INSR: variants seen among roughly 807,000 people sequenced by gnomAD.
The protein encoded by INSR is insulin receptor, also known as IR.
INSR carries 67 observed loss-of-function variants against 142.6 expected under a neutral mutation model. The ratio of observed to expected loss-of-function variants is 0.47; its 90% CI spans 0.39 to 0.58. The LOEUF (loss-of-function observed/expected upper bound fraction) is 0.58, where lower values mean the gene tolerates loss of function less well. Among genes scored for constraint, INSR ranks in the 20% least tolerant of loss-of-function variants. The pLI, the probability that INSR is intolerant of heterozygous loss-of-function variation, is 0.00. For synonymous variants in INSR, 756 were observed against 743.1 expected (o/e 1.02, Z -0.28); for missense variants, 1,248 against 1,833.2 (o/e 0.68, Z 5.83).
In INSR at chr19:7,125,509, T is replaced by A; in HGVS notation, c.3032A>T (p.Tyr1011Phe). 6.2e-7 allele frequency: 1 copy of A among 1,613,862 alleles called. No homozygotes were observed. The highest frequency in any genetic ancestry group is 8.5e-7 in the Non-Finnish European group (1 of 1,180,022). Residue 1011 changes from tyrosine to phenylalanine, a missense_variant, in exon 17 of 22, where the codon TAC becomes TTC. Physicochemically the swap from Tyr to Phe is conservative, Grantham distance 22. Around this residue, in one of 3 missense-constraint regions of INSR, gnomAD observed 1,069 missense variants for 1,654.0 expected, o/e 0.65. Coordinates refer to ENST00000302850, the MANE Select transcript of INSR (RefSeq NM_000208.4). The surrounding 1 kb of genome is among the most constrained non-coding windows in gnomAD (Gnocchi z 4.9). ...AGACACCTCCCACTCGTCCGGCACG[T>A]ACACAGAGCATGGAAACACTACTTC... is the stretch of plus-strand genomic sequence containing the variant. ...SASDVFPCSV[Y>F]VPDEWEVSRE...
At chr19:7,228,150 G>C (rs543942218) in intron 2 of INSR, among the ~76,000 whole-genome samples, 13 of 152,168 alleles carry the variant, frequency 8.5e-5, no homozygotes, top group Admixed American at 7.9e-4. Flanking sequence ...GATGACACAG[G>C]GTCCGGCAAG....
At position 7,119,678 on chromosome 19, in the gene INSR, A is replaced by G; in HGVS notation, c.3660-95T>C. On this transcript the variant is annotated intron_variant, in intron 20 of 21. Coordinates refer to ENST00000302850, the MANE Select transcript of INSR (RefSeq NM_000208.4). The surrounding 1 kb of genome is among the most constrained non-coding windows in gnomAD (Gnocchi z 5.2). ...CACACACACGCAAACGCACACACAC[A>G]CGCAAACACACATGCCAACACATAC... is the stretch of plus-strand genomic sequence containing the variant. 7.4e-7 allele frequency: 1 copy of G among 1,358,222 alleles called. No homozygotes were observed. Among genetic ancestry groups the G allele is most frequent in the Non-Finnish European group, 1.0e-6 (1 of 963,572 alleles). 84.1% of individuals were successfully genotyped at this position (1,358,222 alleles called of 1,614,324 possible).
rs199817986 is a variant in INSR at position 7,192,170 on chromosome 19, GAC to G, written c.653-7535_653-7534del. ...AGAGAGAAAGAGAAAGAAAAAGAAA[GAC>G]AGAGAAAGAAAAGAAAAAAGAAAGA... On this transcript the variant is annotated intron_variant, in intron 2 of 21. Coordinates refer to ENST00000302850, the MANE Select transcript of INSR (RefSeq NM_000208.4). The surrounding 1 kb of genome is among the most constrained non-coding windows in gnomAD (Gnocchi z 4.2). Among the ~76,000 whole-genome samples the G allele has an allele frequency of 9.7e-6, 1 of 102,576 alleles. No individual in the cohort carries two copies. Among genetic ancestry groups the G allele is most frequent in the Non-Finnish European group, 2.0e-5 (1 of 50,784 alleles). The allele number at this position is 102,576 out of a possible 152,430, so 67.3% of individuals were successfully genotyped here.
chr19:7,144,703 T>G (rs949536461), intron 11 of INSR, among the ~76,000 whole-genome samples: 4 of 144,310 alleles, frequency 2.8e-5, no homozygotes, highest in African/African-American at 1.0e-4. Flanking sequence ...CGCACATGGC[T>G]CTTTTTTTTT....
intron 15 of INSR, 59 bp downstream of exon 15, chr19:7,128,793 C>G (rs556922025): frequency 1.7e-6 from 2 of 1,151,800 alleles, no homozygotes; most frequent in Non-Finnish European, 2.6e-6. Context: ...TATATCAAGG[C>G]ATGTTTTCCC....
chr19:7,163,204 C>A lies in INSR; in HGVS notation c.1862-5G>T. 6.2e-7 allele frequency: 1 copy of A among 1,611,576 alleles called. No homozygotes were observed. Among genetic ancestry groups the A allele is most frequent in the South Asian group, 1.1e-5 (1 of 90,936 alleles). ...GATCCAGGGGCACAGAGGGGTCTGTCAGGGAGAAAGGAAATGGGTCCATCA... is the reference window on the plus strand; with the variant it reads ...GATCCAGGGGCACAGAGGGGTCTGTAAGGGAGAAAGGAAATGGGTCCATCA... On this transcript the variant is annotated splice_polypyrimidine_tract_variant and splice_region_variant and intron_variant, in intron 8 of 21. Coordinates refer to ENST00000302850, the MANE Select transcript of INSR (RefSeq NM_000208.4).
intron 10 of INSR, among the ~76,000 whole-genome samples, chr19:7,151,162 C>CTTTCTCTCTTTCCTTTCCTTTCTT (rs1359040007): frequency 6.5e-5 from 3 of 45,850 alleles, no homozygotes; most frequent in African/African-American, 1.5e-4. Flanking sequence ...TTCTTTCTTT[C>CTTTCTCTCTTTCCTTTCCTTTCTT]TCTTTCTTTC....
At chr19:7,118,289 A>G (rs1042394386) in intron 21 of INSR, among the ~76,000 whole-genome samples, 3 of 151,756 alleles carry the variant, frequency 2.0e-5, no homozygotes, top group African/African-American at 7.3e-5. Flanking sequence ...GGGGGAATAT[A>G]TAATATGTAT....
At chr19:7,117,653 C>T (rs779633564) in intron 21 of INSR, among the ~76,000 whole-genome samples, 13 of 152,144 alleles carry the variant, frequency 8.5e-5, no homozygotes, top group African/African-American at 1.9e-4. Context: ...GTCACCCAGG[C>T]TGGAGTGCAG....
chr19:7,191,131 T>C (rs1974573565), intron 2 of INSR, among the ~76,000 whole-genome samples: 1 of 151,980 alleles, frequency 6.6e-6, no homozygotes, highest in Non-Finnish European at 1.5e-5. Context: ...ACCCCATCTC[T>C]ACTAAAAATA....
At chr19:7,259,002 T>C (rs1976976898) in intron 2 of INSR, among the ~76,000 whole-genome samples, 1 of 138,308 alleles carries the variant, frequency 7.2e-6, no homozygotes, top group South Asian at 2.4e-4. Context: ...CCTTCACTCC[T>C]TCTTTCATTT....
intron 1 of INSR, among the ~76,000 whole-genome samples, chr19:7,277,028 G>C (rs1386003073): frequency 2.0e-5 from 3 of 152,126 alleles, no homozygotes; most frequent in Non-Finnish European, 4.4e-5. Flanking sequence ...ACCGTGCCTG[G>C]CCTCAGTTTC....
intron 13 of INSR, among the ~76,000 whole-genome samples, chr19:7,134,631 G>T (rs1426191938): frequency 6.6e-6 from 1 of 151,730 alleles, no homozygotes; most frequent in Non-Finnish European, 1.5e-5. Flanking sequence ...CAGTTGTGGT[G>T]GTGTGCGCCT....
intron 2 of INSR, among the ~76,000 whole-genome samples, chr19:7,248,992 C>G (rs1976624347): frequency 6.6e-6 from 1 of 152,118 alleles, no homozygotes; most frequent in African/African-American, 2.4e-5. Context: ...CTCCCCACCT[C>G]AGATGATCCG....
At chr19:7,223,967 G>A (rs1011420110) in intron 2 of INSR, among the ~76,000 whole-genome samples, 3 of 149,132 alleles carry the variant, frequency 2.0e-5, no homozygotes, top group Non-Finnish European at 4.4e-5. Flanking sequence ...TTTTTTTTGA[G>A]ACCAGTCTCG....
chr19:7,249,207 A>T (rs1338398030), intron 2 of INSR, among the ~76,000 whole-genome samples: 1 of 152,066 alleles, frequency 6.6e-6, no homozygotes, highest in Non-Finnish European at 1.5e-5. Flanking sequence ...CTTTCCTTTC[A>T]GAGGTTCAGC....
chr19:7,198,082 TG>T (rs1012929617), intron 2 of INSR, among the ~76,000 whole-genome samples: 1 of 151,460 alleles, frequency 6.6e-6, no homozygotes, highest in African/African-American at 2.4e-5. Flanking sequence ...TGTGTGCCCA[TG>T]GGGGCGAGGG....
In INSR at chr19:7,125,389, TCTG is replaced by T; in HGVS notation, c.3149_3151del (p.Ala1050del). 1 of 1,614,192 alleles carries T rather than the reference TCTG, an allele frequency of 6.2e-7. No homozygotes were observed. Among genetic ancestry groups the T allele is most frequent in the Non-Finnish European group, 8.5e-7 (1 of 1,180,034 alleles). The stretch of plus-strand genomic sequence containing the variant: ...GACCGTCTTCACCGCCACGCGGGTC[TCTG>T]CCTCACCCTTGATGATGTCCCTGGC... On this transcript the variant is annotated inframe_deletion, in exon 17 of 22. Coordinates refer to ENST00000302850, the MANE Select transcript of INSR (RefSeq NM_000208.4). This position sits in a 1 kb window ranked among gnomAD's most constrained non-coding sequence, Gnocchi z 4.9.
chr19:7,184,067 A>AAAAAAAAAAAAAAAAAAAAAC (rs1158364785), intron 3 of INSR, among the ~76,000 whole-genome samples: 2 of 151,178 alleles, frequency 1.3e-5, no homozygotes, highest in African/African-American at 4.9e-5. Flanking sequence ...TCTCAAAAAA[A>AAAAAAAAAAAAAAAAAAAAAC]AAAAAAAAGA....
Sources: allele counts gnomAD v4.1 joint callset (sites outside exome capture counted in the v4.1 genomes callset), GRCh38; gene constraint gnomAD v4.1.1; regional missense constraint gnomAD v4.1.1; non-coding constraint Gnocchi (gnomAD v3.1); transcripts MANE v1.5; gene names NCBI Gene and HGNC (gene_info 2026-07-23, HGNC 2026-07-21).